ANKAR: variants seen among roughly 807,000 people sequenced by gnomAD.
ANKAR encodes the protein ankyrin and armadillo repeat containing, also known as ankyrin and armadillo repeat-containing protein.
ANKAR carries 136 observed loss-of-function variants against 146.2 expected under a neutral mutation model. The observed-to-expected ratio is 0.93, with a 90% CI of 0.81 to 1.07. The LOEUF is 1.07. Among genes scored for constraint, ANKAR ranks in the 50% least tolerant of loss-of-function variants. ANKAR has a pLI of 0.00. For synonymous variants in ANKAR, 500 were observed against 575.8 expected (o/e 0.87, Z 1.88); for missense variants, 1,567 against 1,679.9 (o/e 0.93, Z 1.18).
intron 12 of ANKAR, among the ~76,000 whole-genome samples, chr2:189,725,534 T>C (rs1379191949): frequency 6.6e-6 from 1 of 152,166 alleles, no homozygotes; most frequent in East Asian, 1.9e-4. Context: ...TCTATATCTA[T>C]AGGCATATCT....
At chr2:189,762,817 G>T, downstream of ANKAR, 1 of 985,464 alleles carries the variant, frequency 1.0e-6, no homozygotes, top group East Asian at 1.1e-4. Context: ...GCAAGGTCCC[G>T]TCCAGAGCTG....
intron 7 of ANKAR, among the ~76,000 whole-genome samples, chr2:189,696,680 G>T (rs2037257779): frequency 6.6e-6 from 1 of 152,148 alleles, no homozygotes; most frequent in South Asian, 2.1e-4. Context: ...CTTAATGGTT[G>T]CTCAGAAAAT....
chr2:189,762,490 CATTAACAAA>C (rs2047244167), downstream of ANKAR: 2 of 717,246 alleles, frequency 2.8e-6, no homozygotes, highest in African/African-American at 3.8e-5. Flanking sequence ...ATTAGATTTG[CATTAACAAA>C]ATCTGGACAA....
chr2:189,741,254 C>G (rs1174468615), intron 19 of ANKAR, 88 bp from the exon 20 acceptor site: 2 of 939,834 alleles, frequency 2.1e-6, no homozygotes, highest in Admixed American at 5.5e-5. Context: ...GTGACACAAA[C>G]TTTTTTCAGT....
chr2:189,696,338 C>T lies in ANKAR; in HGVS notation c.1677C>T (p.Val559=). The T allele has an allele frequency of 1.2e-6, 2 of 1,613,832 alleles. No homozygotes were observed. The highest frequency in any genetic ancestry group is 1.7e-6 in the Non-Finnish European group (2 of 1,179,948). ...AACTGTGCAATGCTAACTTCAAGGT[C>T]AACCAGAGGCGCTTTGTTACGTTCA... is the stretch of plus-strand genomic sequence containing the variant. ...ICQLCNANFK[V]NQRRFVTFSQ... The change falls in exon 7 of 23, where the codon GTC becomes GTT. Residue 559 remains valine (V), a synonymous_variant. Transcript: ENST00000684021.
intron 18 of ANKAR, among the ~76,000 whole-genome samples, chr2:189,758,966 G>A (rs573283870): frequency 1.3e-5 from 2 of 152,262 alleles, no homozygotes; most frequent in African/African-American, 4.8e-5. Context: ...AAACTGAAAG[G>A]ACTGTGAAGC....
chr2:189,753,272 TTTA>T (rs369691392), intron 18 of ANKAR: 288 of 182,940 alleles, frequency 1.6e-3, no homozygotes, highest in African/African-American at 6.3e-3. Context: ...CCCTGAAATT[TTTA>T]TTATTTTGTG....
At chr2:189,748,115 C>T (rs553291820), downstream of ANKAR, among the ~76,000 whole-genome samples, 4 of 152,272 alleles carry the variant, frequency 2.6e-5, no homozygotes, top group Non-Finnish European at 4.4e-5. Flanking sequence ...TATTAATTAG[C>T]GGTTATTTTC....
downstream of ANKAR, among the ~76,000 whole-genome samples, chr2:189,750,239 G>A (rs894215370): frequency 1.3e-5 from 2 of 152,146 alleles, no homozygotes; most frequent in East Asian, 3.9e-4. Flanking sequence ...GGAAGTGGGG[G>A]AAAGTCCTAG....
rs768257928 is a variant in ANKAR at position 189,695,113 on chromosome 2, T to G, written c.1440T>G (p.His480Gln). 6.2e-7 allele frequency: 1 copy of G among 1,609,062 alleles called. No individual in the cohort carries two copies. ...TTCCACTGACAGATGCTCAATTACA[T>G]GAACAATTTAAGAAAAAGCTTGGTT... is the stretch of plus-strand genomic sequence containing the variant. ...KRLPLTDAQLHEQFKKKLGFK... is the reference protein window; with the variant it reads ...KRLPLTDAQLQEQFKKKLGFK... The change falls in exon 6 of 23, where the codon CAT (histidine) becomes CAG (glutamine). Residue 480 changes from histidine to glutamine, a missense_variant. His to Gln is a conservative substitution (Grantham distance 24). Coordinates refer to ENST00000684021, the MANE Select transcript of ANKAR (RefSeq NM_001378068.1).
intron 7 of ANKAR, among the ~76,000 whole-genome samples, chr2:189,702,473 G>A (rs1211285534): frequency 6.6e-5 from 10 of 152,094 alleles, no homozygotes; most frequent in Admixed American, 6.6e-4. Flanking sequence ...GGAAGTTCCT[G>A]CTTGTGAGTT....
In ANKAR at chr2:189,707,164, A is replaced by T; in HGVS notation, c.2119+18A>T. ...TTTGGTAGGTGAGTATAATCTCTTT[A>T]TAAATACATGTTCTGATTATTATTC... On this transcript the variant is annotated intron_variant, in intron 9 of 22. Coordinates refer to ENST00000684021, the MANE Select transcript of ANKAR (RefSeq NM_001378068.1). The T allele has an allele frequency of 7.4e-7, 1 of 1,349,696 alleles. No homozygotes were observed. Among genetic ancestry groups the T allele is most frequent in the South Asian group, 1.6e-5 (1 of 62,196 alleles). 83.6% of individuals were successfully genotyped at this position (1,349,696 alleles called of 1,614,324 possible).
In ANKAR at chr2:189,711,121, A is replaced by G. The variant is rs748807376; in HGVS notation, c.2192A>G (p.Asn731Ser). The G allele has an allele frequency of 6.2e-7, 1 of 1,614,072 alleles. No homozygotes were observed. The highest frequency in any genetic ancestry group is 8.5e-7 in the Non-Finnish European group (1 of 1,179,954). The change falls in exon 10 of 23, where the codon AAT becomes AGT. Residue 731 changes from asparagine (N) to serine (S), a missense_variant. By Grantham distance (46) the Asn-to-Ser change is conservative (BLOSUM62 1). Transcript: ENST00000684021. ...VMSLEVICLANDQYWRCILDA... is the reference protein window; with the variant it reads ...VMSLEVICLASDQYWRCILDA... Reference sequence around the variant, plus strand: ...TCCTTGGAAGTAATTTGCTTAGCAAATGATCAATACTGGAGATGTATTTTG... The same window carrying G: ...TCCTTGGAAGTAATTTGCTTAGCAAGTGATCAATACTGGAGATGTATTTTG...
chr2:189,733,928 CCTT>C (rs1559136452), intron 17 of ANKAR, among the ~76,000 whole-genome samples: 1 of 151,862 alleles, frequency 6.6e-6, no homozygotes, highest in East Asian at 1.9e-4. Flanking sequence ...GAAGCTCAGC[CCTT>C]CTTTGTTTTT....
At chr2:189,749,244 T>TAAAA (rs397987026), downstream of ANKAR, among the ~76,000 whole-genome samples, 11 of 63,232 alleles carry the variant, frequency 1.7e-4, no homozygotes, top group East Asian at 5.6e-4. Flanking sequence ...AGACTCTGTC[T>TAAAA]AAAAAAAAAA....
chr2:189,753,120 A>G (rs1479613506), intron 18 of ANKAR: 7 of 635,420 alleles, frequency 1.1e-5, no homozygotes, highest in Middle Eastern at 9.2e-4. Context: ...TGACATATCT[A>G]TGTAATAAAA....
At position 189,719,805 on chromosome 2, in the gene ANKAR, GC is replaced by G. The variant is rs773789862; in HGVS notation, c.2460del (p.Lys821AsnfsTer8). 7.6e-6 allele frequency: 12 copies of G among 1,570,238 alleles called. No individual in the cohort carries two copies. The highest frequency in any genetic ancestry group is 1.0e-5 in the Non-Finnish European group (12 of 1,147,478). ...IAQCENKDVI[A>X]KYNGIPSLIN... is the part of the protein sequence containing the mutation. Reference sequence around the variant, plus strand: ...TCAATGTGAAAACAAGGATGTTATTGCCAAATATGTAAGTTCCTTTCATATA... The same window carrying G: ...TCAATGTGAAAACAAGGATGTTATTGCAAATATGTAAGTTCCTTTCATATA... On this transcript the variant is annotated frameshift_variant, in exon 11 of 23. Coordinates refer to ENST00000684021, the MANE Select transcript of ANKAR (RefSeq NM_001378068.1). LOFTEE classifies it high-confidence loss of function.
intron 12 of ANKAR, among the ~76,000 whole-genome samples, chr2:189,722,519 C>G (rs570443144): frequency 1.3e-5 from 2 of 151,904 alleles, no homozygotes; most frequent in South Asian, 4.2e-4. Flanking sequence ...TTTTCTCAAT[C>G]CCAGATGCTG....
intron 12 of ANKAR, among the ~76,000 whole-genome samples, chr2:189,725,721 A>G (rs2041812426): frequency 6.6e-6 from 1 of 152,188 alleles, no homozygotes; most frequent in Admixed American, 6.5e-5. Flanking sequence ...CAGCCTGGGC[A>G]ACATGGCAAA....
Sources: gnomAD v4.1 joint callset for allele counts (sites outside exome capture counted in the v4.1 genomes callset) on GRCh38, gnomAD v4.1.1 for gene constraint, MANE v1.5 for transcripts, NCBI Gene and HGNC (gene_info 2026-07-23, HGNC 2026-07-21) for gene names.